MTIF2: variants seen among roughly 807,000 people sequenced by gnomAD.
The protein encoded by MTIF2 is mitochondrial translational initiation factor 2, also known as translation initiation factor IF-2, mitochondrial.
MTIF2 carries 71 observed loss-of-function variants against 83.5 expected under a neutral mutation model. The observed-to-expected ratio is 0.85, with a 90% CI of 0.70 to 1.04. The LOEUF (loss-of-function observed/expected upper bound fraction) is 1.04, where lower values mean the gene tolerates loss of function less well. MTIF2 is among the 50% of genes least tolerant of loss of function. The probability of loss-of-function intolerance (pLI) is 0.00; values close to 1 mark genes in which losing one functional copy is unlikely to be tolerated. For synonymous variants in MTIF2, 319 were observed against 287.1 expected, an observed-to-expected ratio of 1.11 and a Z score of -1.12; for missense variants, 957 against 846.5, an observed-to-expected ratio of 1.13 and a Z score of -1.62.
chr2:55,243,773 G>T, intron 11 of MTIF2, 105 bp from the exon 12 acceptor site: 3 of 1,194,852 alleles, frequency 2.5e-6, no homozygotes, highest in South Asian at 1.6e-5. Flanking sequence ...ACTCATGTAT[G>T]AAACTACTAC....
chr2:55,252,376 T>C (rs920121859), intron 8 of MTIF2, 101 bp downstream of exon 8: 17 of 1,006,256 alleles, frequency 1.7e-5, no homozygotes, highest in Non-Finnish European at 2.4e-5. Context: ...AATACACGTA[T>C]AATAACTCTG....
At chr2:55,244,470 C>T (rs2104329987) in intron 10 of MTIF2, among the ~76,000 whole-genome samples, 1 of 152,260 alleles carries the variant, frequency 6.6e-6, no homozygotes. Flanking sequence ...CCCAGGAGTT[C>T]AAAGTCAGCC....
chr2:55,254,490 A>C (rs1300833327), intron 6 of MTIF2, among the ~76,000 whole-genome samples, 164 bp downstream of exon 6: 1 of 152,238 alleles, frequency 6.6e-6, no homozygotes, highest in Non-Finnish European at 1.5e-5. Flanking sequence ...TTTTATAATA[A>C]CTTGAATGTA....
intron 3 of MTIF2, among the ~76,000 whole-genome samples, chr2:55,267,059 C>T (rs1678489509): frequency 6.6e-6 from 1 of 151,892 alleles, no homozygotes; most frequent in Non-Finnish European, 1.5e-5. Context: ...CGTGAGCCAC[C>T]ACGCCTAGCC....
intron 5 of MTIF2, among the ~76,000 whole-genome samples, chr2:55,261,505 G>A (rs1358627184): frequency 2.6e-5 from 4 of 152,042 alleles, no homozygotes; most frequent in Non-Finnish European, 2.9e-5. Context: ...TCCTCAGGAG[G>A]CTGAGGCAGG....
rs200247481 is a variant in MTIF2, at chr2:55,249,396, G to C, written c.980C>G (p.Thr327Arg). Residue 327 changes from threonine (T) to arginine (R), a missense_variant and splice_region_variant, in exon 9 of 16, where the codon ACG (threonine) becomes AGG (arginine). By Grantham distance (71) the Thr-to-Arg change is moderately conservative. Coordinates refer to ENST00000263629, the MANE Select transcript of MTIF2 (RefSeq NM_002453.3). Reference sequence around the variant, plus strand: ...TTTATATGAGGTCCCCGCATTTACCGTAAGTGCGGAGACAGGCACTGCTTG... The same window carrying C: ...TTTATATGAGGTCCCCGCATTTACCCTAAGTGCGGAGACAGGCACTGCTTG... ...DVQAVPVSALTGDNLMALAEA... is the reference protein window; with the variant it reads ...DVQAVPVSALRGDNLMALAEA... 5 of 1,613,754 alleles carry C rather than the reference G, an allele frequency of 3.1e-6. No individual in the cohort carries two copies. The highest frequency in any genetic ancestry group is 4.2e-6 in the Non-Finnish European group (5 of 1,179,934).
At chr2:55,259,988 T>C (rs1466245819) in intron 5 of MTIF2, among the ~76,000 whole-genome samples, 5 of 152,190 alleles carry the variant, frequency 3.3e-5, no homozygotes, top group Non-Finnish European at 5.9e-5. Context: ...ATACTATTTA[T>C]AAAGCCACAC....
intron 3 of MTIF2, among the ~76,000 whole-genome samples, chr2:55,266,125 C>G (rs1420461450): frequency 6.6e-6 from 1 of 151,928 alleles, no homozygotes; most frequent in Non-Finnish European, 1.5e-5. Context: ...CACATATATT[C>G]TTCAGCATTA....
In MTIF2 at chr2:55,236,601, C is replaced by T; in HGVS notation, c.*47G>A. The T allele has an allele frequency of 4.6e-6, 7 of 1,508,876 alleles. No homozygotes were observed. The highest frequency in any genetic ancestry group is 5.3e-6 in the Non-Finnish European group (6 of 1,126,422). The allele number at this position is 1,508,876 out of a possible 1,614,324, so 93.5% of individuals were successfully genotyped here. A position where few individuals can be genotyped will look rare whatever the true frequency, so the allele number is the denominator to read the frequency against. ...TTTGGCCAGTAGTAGTGCATTTCTA[C>T]CTTCAAACAAACAACACGTTGAGTT... On this transcript the variant is annotated 3_prime_UTR_variant, in exon 16 of 16. Transcript: ENST00000263629.
At chr2:55,268,190 C>T (rs1326467598) in intron 2 of MTIF2, among the ~76,000 whole-genome samples, 1 of 151,832 alleles carries the variant, frequency 6.6e-6, no homozygotes, top group South Asian at 2.1e-4. Context: ...GAGGCAGAGA[C>T]TGCAGTGAGC....
intron 5 of MTIF2, among the ~76,000 whole-genome samples, chr2:55,258,518 A>AATT (rs1413406819): frequency 1.3e-5 from 2 of 152,000 alleles, no homozygotes; most frequent in Non-Finnish European, 2.9e-5. Flanking sequence ...AAAATACAAA[A>AATT]ATTAGCAAGG....
intron 5 of MTIF2, among the ~76,000 whole-genome samples, chr2:55,260,034 T>A (rs969005967): frequency 7.2e-5 from 11 of 152,204 alleles, no homozygotes; most frequent in Admixed American, 7.2e-4. Flanking sequence ...CTGAATGACA[T>A]AGCCATATTC....
chr2:55,240,494 G>A (rs547694327), intron 13 of MTIF2, among the ~76,000 whole-genome samples: 4 of 152,162 alleles, frequency 2.6e-5, no homozygotes, highest in Admixed American at 6.5e-5. Context: ...CAGGAGAATC[G>A]CTTGAACCCG....
chr2:55,237,924 T>G (rs910760114), intron 14 of MTIF2, among the ~76,000 whole-genome samples: 2 of 152,176 alleles, frequency 1.3e-5, no homozygotes, highest in Non-Finnish European at 2.9e-5. Flanking sequence ...GTGCTGAAAT[T>G]ACAGGCGTGA....
Position 55,262,302 on chromosome 2 carries a change from A to T in MTIF2, c.331+14T>A. 1 of 1,582,434 alleles carries T rather than the reference A, an allele frequency of 6.3e-7. No individual in the cohort carries two copies. The highest frequency in any genetic ancestry group is 8.7e-7 in the Non-Finnish European group (1 of 1,152,470). On this transcript the variant is annotated intron_variant, in intron 5 of 15. Coordinates refer to ENST00000263629, the MANE Select transcript of MTIF2 (RefSeq NM_002453.3). ...ACATTCCCATATTTTGCTTTGTAAA[A>T]ATATCTGACTCACCTGTGTTTTTTT...
At chr2:55,255,755 G>A (rs1025349607) in intron 5 of MTIF2, among the ~76,000 whole-genome samples, 2 of 151,982 alleles carry the variant, frequency 1.3e-5, no homozygotes, top group Non-Finnish European at 2.9e-5. Context: ...TTTGCAGTAC[G>A]ACAGCTGAAA....
chr2:55,264,986 T>C (rs1316852118), intron 3 of MTIF2, among the ~76,000 whole-genome samples: 1 of 152,080 alleles, frequency 6.6e-6, no homozygotes, highest in Non-Finnish European at 1.5e-5. Flanking sequence ...CTCATGCCTG[T>C]AATCCCAGCA....
At chr2:55,241,034 T>C (rs1676262888) in intron 13 of MTIF2, among the ~76,000 whole-genome samples, 1 of 151,988 alleles carries the variant, frequency 6.6e-6, no homozygotes, top group South Asian at 2.1e-4. Context: ...AGCTGACCAT[T>C]TTACCAACAA....
chr2:55,258,704 C>A (rs893780842), intron 5 of MTIF2, among the ~76,000 whole-genome samples: 2 of 149,800 alleles, frequency 1.3e-5, no homozygotes, highest in African/African-American at 2.5e-5. Context: ...CCCAGCTACT[C>A]GGGAGGCTGA....
Sources: allele counts gnomAD v4.1 joint callset (sites outside exome capture counted in the v4.1 genomes callset), GRCh38; gene constraint gnomAD v4.1.1; transcripts MANE v1.5; gene names NCBI Gene and HGNC (gene_info 2026-07-23, HGNC 2026-07-21).